UGT1A8: variants seen among roughly 807,000 people sequenced by gnomAD.
UGT1A8 encodes UDP-glucuronosyltransferase 1A8.
Under a neutral mutation model 45.3 loss-of-function variants are expected in UGT1A8, and 39 were observed. The observed-to-expected ratio is 0.86, with a 90% CI of 0.67 to 1.12. The LOEUF is 1.12. Ranked by LOEUF, UGT1A8 falls within the 50% of genes most tolerant of loss-of-function variation. UGT1A8 has a pLI of 0.00. For missense variants in UGT1A8, 719 were observed against 664.9 expected (o/e 1.08, Z -0.90); for synonymous variants, 275 against 249.2 (o/e 1.10, Z -0.97).
intron 1 of UGT1A8, among the ~76,000 whole-genome samples, chr2:233,727,013 TTG>T (rs1300026123): frequency 1.2e-4 from 18 of 152,218 alleles, no homozygotes; most frequent in African/African-American, 3.9e-4. Context: ...TTATCATTTG[TTG>T]TTTTTGTACC....
chr2:233,754,914 A>T, intron 1 of UGT1A8: 1 of 1,353,596 alleles, frequency 7.4e-7, no homozygotes. Flanking sequence ...AATATTCTCC[A>T]GCGGGTTTCC....
At chr2:233,731,044 G>A (rs190874066) in intron 1 of UGT1A8, among the ~76,000 whole-genome samples, 22 of 152,218 alleles carry the variant, frequency 1.4e-4, no homozygotes, top group African/African-American at 3.4e-4. Context: ...CATATTCACC[G>A]AATGTGTATG....
intron 1 of UGT1A8, among the ~76,000 whole-genome samples, chr2:233,676,897 C>T (rs535214025): frequency 6.6e-5 from 10 of 152,076 alleles, no homozygotes; most frequent in African/African-American, 1.7e-4. Context: ...CATCTGTGCA[C>T]GTATTTCTAG....
intron 1 of UGT1A8, among the ~76,000 whole-genome samples, chr2:233,674,964 G>A (rs186147617): frequency 6.6e-6 from 1 of 152,268 alleles, no homozygotes; most frequent in African/African-American, 2.4e-5. Context: ...TGGGAAACAG[G>A]ATTCAGAGTC....
At chr2:233,721,643 G>A (rs953438688) in intron 1 of UGT1A8, 2 of 207,656 alleles carry the variant, frequency 9.6e-6, no homozygotes, top group Non-Finnish European at 2.0e-5. Context: ...TCTTGAATGT[G>A]GCAGTGGGGG....
chr2:233,748,170 T>G (rs1693885093), intron 1 of UGT1A8: 10 of 1,590,430 alleles, frequency 6.3e-6, no homozygotes, highest in Non-Finnish European at 8.6e-6. Flanking sequence ...TATCTACTTA[T>G]CTTTCTGGTG....
intron 1 of UGT1A8, chr2:233,648,257 T>C (rs2073652189): frequency 6.5e-6 from 4 of 610,840 alleles, no homozygotes; most frequent in Non-Finnish European, 8.6e-6. Flanking sequence ...GAGAGTTCTT[T>C]TGATGCGGTG....
At chr2:233,663,799 G>A (rs1275450513) in intron 1 of UGT1A8, among the ~76,000 whole-genome samples, 1 of 152,210 alleles carries the variant, frequency 6.6e-6, no homozygotes, top group Non-Finnish European at 1.5e-5. Context: ...AGTCAGTTAA[G>A]TTAGATCTTT....
intron 1 of UGT1A8, chr2:233,743,705 G>A (rs756391897): frequency 8.8e-6 from 12 of 1,367,306 alleles, no homozygotes; most frequent in South Asian, 2.3e-5. Context: ...CTCCGCCCCC[G>A]CCTCGCCATA....
intron 1 of UGT1A8, chr2:233,691,548 A>G (rs1056565919): frequency 8.1e-6 from 8 of 985,556 alleles, no homozygotes; most frequent in East Asian, 1.1e-4. Flanking sequence ...AGTCTGTTCT[A>G]GTAATTCAAG....
In UGT1A8 at chr2:233,772,321, T is replaced by C; in HGVS notation, c.1355T>C (p.Leu452Pro). 1 of 1,614,248 alleles carries C rather than the reference T, an allele frequency of 6.2e-7. No homozygotes were observed. The highest frequency in any genetic ancestry group is 8.5e-7 in the Non-Finnish European group (1 of 1,180,036). ...CACAAGGACCGCCCGGTGGAGCCGC[T>C]GGACCTGGCCGTGTTCTGGGTGGAG... is the stretch of plus-strand genomic sequence containing the variant. Reference protein sequence around the residue: ...SLHKDRPVEPLDLAVFWVEFV... With the variant: ...SLHKDRPVEPPDLAVFWVEFV... Residue 452 changes from leucine to proline, a missense_variant, in exon 5 of 5, where the codon CTG (leucine) becomes CCG (proline). By Grantham distance (98) the Leu-to-Pro change is moderately conservative. Coordinates refer to ENST00000373450, the MANE Select transcript of UGT1A8 (RefSeq NM_019076.5).
intron 1 of UGT1A8, among the ~76,000 whole-genome samples, chr2:233,630,136 A>T (rs2073161549): frequency 6.6e-6 from 1 of 151,930 alleles, no homozygotes; most frequent in Non-Finnish European, 1.5e-5. Flanking sequence ...CCTGTTTTTT[A>T]AATGCATTTT....
chr2:233,716,698 TA>T (rs1450076401), intron 1 of UGT1A8, among the ~76,000 whole-genome samples: 1 of 152,204 alleles, frequency 6.6e-6, no homozygotes, highest in African/African-American at 2.4e-5. Context: ...TACATTCTCT[TA>T]AAAACACTAA....
In UGT1A8 at chr2:233,743,176, T is replaced by C. The variant is rs28900375; in HGVS notation, c.856-23858T>C. 1,765 of 366,612 alleles carry C rather than the reference T, an allele frequency of 4.8e-3. 64 individuals are homozygous for C. The highest frequency in any genetic ancestry group is 0.035 in the African/African-American group (1,636 of 46,622). 22.7% of individuals were successfully genotyped at this position (366,612 alleles called of 1,614,324 possible). On this transcript the variant is annotated intron_variant, in intron 1 of 4. Coordinates refer to ENST00000373450, the MANE Select transcript of UGT1A8 (RefSeq NM_019076.5). The stretch of plus-strand genomic sequence containing the variant: ...TCCTCCAGATGTGCTTAAAGTCAAA[T>C]GTGGACTGGAATTACTTGGTGTCAA...
At chr2:233,716,525 A>G (rs931011254) in intron 1 of UGT1A8, among the ~76,000 whole-genome samples, 1 of 152,164 alleles carries the variant, frequency 6.6e-6, no homozygotes, top group Non-Finnish European at 1.5e-5. Flanking sequence ...CTTACCATTC[A>G]ATTATCTCCT....
At chr2:233,750,454 C>A (rs1301530948) in intron 1 of UGT1A8, among the ~76,000 whole-genome samples, 2 of 151,940 alleles carry the variant, frequency 1.3e-5, no homozygotes, top group Non-Finnish European at 2.9e-5. Flanking sequence ...TTCAAACCAG[C>A]TACAGAAATA....
intron 1 of UGT1A8, among the ~76,000 whole-genome samples, chr2:233,631,003 A>C (rs902951053): frequency 3.9e-5 from 6 of 151,912 alleles, no homozygotes; most frequent in Non-Finnish European, 5.9e-5. Context: ...ACCCCCCGAC[A>C]GGCCCTGGTG....
At position 233,758,850 on chromosome 2, in the gene UGT1A8, C is replaced by A. The variant is rs141810687; in HGVS notation, c.856-8184C>A. ...CAAAAAGAGTGTAATACTTCCAATT[C>A]TGGCTGCACAATACTTGCCCCATAG... On this transcript the variant is annotated intron_variant, in intron 1 of 4. Transcript: ENST00000373450. Among the ~76,000 whole-genome samples the A allele has an allele frequency of 4.5e-3, 678 of 152,282 alleles. 10 individuals are homozygous for A. The highest frequency in any genetic ancestry group is 0.015 in the African/African-American group (640 of 41,546).
intron 1 of UGT1A8, among the ~76,000 whole-genome samples, chr2:233,686,742 C>T (rs2074802752): frequency 6.6e-6 from 1 of 152,192 alleles, no homozygotes; most frequent in Non-Finnish European, 1.5e-5. Flanking sequence ...TCTTGCCTTC[C>T]CTAGCCTCAC....
Sources: allele counts gnomAD v4.1 joint callset (sites outside exome capture counted in the v4.1 genomes callset), GRCh38; gene constraint gnomAD v4.1.1; transcripts MANE v1.5; gene names NCBI Gene and HGNC (gene_info 2026-07-23, HGNC 2026-07-21).